ADCY8: variants seen among roughly 807,000 people sequenced by gnomAD.
ADCY8 encodes adenylate cyclase 8, also known as adenylate cyclase type 8.
Under a neutral mutation model 119.7 loss-of-function variants are expected in ADCY8, and 51 were observed. That is an observed-to-expected ratio of 0.43 (90% CI 0.34 to 0.54). The LOEUF is 0.54. Among genes scored for constraint, ADCY8 ranks in the 20% least tolerant of loss-of-function variants. The probability of loss-of-function intolerance (pLI) is 0.03; values close to 1 mark genes in which losing one functional copy is unlikely to be tolerated. For synonymous variants in ADCY8, 665 were observed against 651.0 expected (o/e 1.02, Z -0.33); for missense variants, 1,383 against 1,598.8 (o/e 0.87, Z 2.30).
chr8:130,786,784 A>T (rs1411477201), intron 15 of ADCY8, among the ~76,000 whole-genome samples: 1 of 152,204 alleles, frequency 6.6e-6, no homozygotes, highest in Non-Finnish European at 1.5e-5. Context: ...AGGGATGAGG[A>T]GATCAGGCCA....
At chr8:130,824,603 C>T (rs545970500) in intron 12 of ADCY8, among the ~76,000 whole-genome samples, 10 of 152,308 alleles carry the variant, frequency 6.6e-5, no homozygotes, top group East Asian at 5.8e-4. Flanking sequence ...GATACATGGA[C>T]GAATTCACGA....
intron 5 of ADCY8, among the ~76,000 whole-genome samples, chr8:130,919,709 T>C (rs1820242719): frequency 6.6e-6 from 1 of 152,156 alleles, no homozygotes; most frequent in Non-Finnish European, 1.5e-5. Flanking sequence ...TTTTTAAGGC[T>C]TGTGACTGGG....
At chr8:130,991,903 A>C (rs1353504285) in intron 1 of ADCY8, among the ~76,000 whole-genome samples, 1 of 152,086 alleles carries the variant, frequency 6.6e-6, no homozygotes, top group East Asian at 1.9e-4. Flanking sequence ...AAGAAATAGA[A>C]ACCTCAAAAA....
At chr8:130,861,724 T>C (rs770027323) in intron 9 of ADCY8, among the ~76,000 whole-genome samples, 2 of 152,066 alleles carry the variant, frequency 1.3e-5, no homozygotes, top group Non-Finnish European at 2.9e-5. Context: ...TAAATACAGG[T>C]GGTGAGAGTG....
chr8:130,792,491 C>T lies in ADCY8; in HGVS notation c.3061-7016G>A, dbSNP rs1815454317. On this transcript the variant is annotated intron_variant, in intron 15 of 17. Transcript: ENST00000286355. ...TTCATTATAGGTCTAACAGGTGTCT[C>T]AGATCTGCCATTCTCAAAGCTGGCC... Among the ~76,000 whole-genome samples, 5 of 152,214 alleles carry T rather than the reference C, an allele frequency of 3.3e-5. 1 individual carries two copies. In the South Asian group the frequency reaches 1.0e-3, roughly 32 times the overall value.
Position 131,018,866 on chromosome 8 carries a change from A to T in ADCY8, c.960+20508T>A, listed in dbSNP as rs998049358. On this transcript the variant is annotated intron_variant, in intron 1 of 17. Coordinates refer to ENST00000286355, the MANE Select transcript of ADCY8 (RefSeq NM_001115.3). ...ATATAGGAGTGTTAATCTCCTGGAG[A>T]TTAACATATAAGGAAGGGCATGGTT... 3.8e-4 allele frequency among the ~76,000 whole-genome samples: 58 copies of T among 152,164 alleles called. 1 individual carries two copies. Among genetic ancestry groups the T allele is most frequent in the African/African-American group, 1.2e-3 (51 of 41,430 alleles).
chr8:130,969,482 G>A lies in ADCY8; in HGVS notation c.1111-17484C>T, dbSNP rs557038182. Among the ~76,000 whole-genome samples, 9 of 152,256 alleles carry A rather than the reference G, an allele frequency of 5.9e-5. 1 individual carries two copies. In the South Asian group the frequency reaches 1.2e-3, roughly 21 times the overall value. ...AACCCTGACTAATATACATAGTATA[G>A]TTATTATCATTGCTGTTGTTACTGT... On this transcript the variant is annotated intron_variant, in intron 2 of 17. Coordinates refer to ENST00000286355, the MANE Select transcript of ADCY8 (RefSeq NM_001115.3).
At chr8:130,856,399 C>G (rs1456051657) in intron 9 of ADCY8, among the ~76,000 whole-genome samples, 2 of 152,072 alleles carry the variant, frequency 1.3e-5, no homozygotes, top group Non-Finnish European at 2.9e-5. Flanking sequence ...ACACCTTGAG[C>G]TCTAGGAGTC....
intron 10 of ADCY8, 35 bp downstream of exon 10, chr8:130,849,567 A>G (rs2130314340): frequency 6.2e-7 from 1 of 1,607,996 alleles, no homozygotes. Flanking sequence ...ACTGCACACT[A>G]GACACCAGAG....
At chr8:130,987,422 G>A (rs923933386) in intron 2 of ADCY8, among the ~76,000 whole-genome samples, 6 of 152,096 alleles carry the variant, frequency 3.9e-5, no homozygotes, top group African/African-American at 1.4e-4. Flanking sequence ...CAGAGCTCCT[G>A]ACACATAATA....
chr8:130,997,400 G>C lies in ADCY8; in HGVS notation c.961-6858C>G, dbSNP rs148231807. Among the ~76,000 whole-genome samples the C allele has an allele frequency of 1.5e-3, 166 of 113,430 alleles. 1 individual carries two copies. Among genetic ancestry groups the C allele is most frequent in the African/African-American group, 5.1e-3 (153 of 29,924 alleles). The allele number at this position is 113,430 out of a possible 152,430, so 74.4% of individuals were successfully genotyped here. On this transcript the variant is annotated intron_variant, in intron 1 of 17. Coordinates refer to ENST00000286355, the MANE Select transcript of ADCY8 (RefSeq NM_001115.3). ...CTAACAAGGCAGTACAAACCCTAAG[G>C]TGTCAAGATCTACACTTAGACAGGT...
At chr8:130,976,541 G>A (rs1053339002) in intron 2 of ADCY8, among the ~76,000 whole-genome samples, 6 of 152,038 alleles carry the variant, frequency 3.9e-5, no homozygotes, top group Admixed American at 6.6e-5. Context: ...TCTACATAGC[G>A]AATTCTTAGT....
chr8:130,809,683 A>C (rs1237494967), intron 14 of ADCY8, among the ~76,000 whole-genome samples: 1 of 152,238 alleles, frequency 6.6e-6, no homozygotes, highest in Non-Finnish European at 1.5e-5. Flanking sequence ...CACGCTAGTA[A>C]GTGGAAGAGC....
chr8:130,857,969 G>T (rs1198450089), intron 9 of ADCY8, among the ~76,000 whole-genome samples: 2 of 152,088 alleles, frequency 1.3e-5, no homozygotes, highest in African/African-American at 4.8e-5. Flanking sequence ...GCTGGGTTTT[G>T]ATAAGTATTT....
intron 7 of ADCY8, among the ~76,000 whole-genome samples, chr8:130,893,755 T>C (rs1035237531): frequency 1.3e-5 from 2 of 151,510 alleles, no homozygotes; most frequent in African/African-American, 4.8e-5. Flanking sequence ...TTTATGTGTG[T>C]GTGCATGTTT....
At chr8:130,902,206 C>T (rs535888110) in intron 7 of ADCY8, among the ~76,000 whole-genome samples, 1 of 152,162 alleles carries the variant, frequency 6.6e-6, no homozygotes, top group South Asian at 2.1e-4. Context: ...ATGAGGCATG[C>T]ATTTCTTTCT....
chr8:130,859,362 C>G (rs1563697153), intron 9 of ADCY8, among the ~76,000 whole-genome samples: 1 of 152,298 alleles, frequency 6.6e-6, no homozygotes, highest in East Asian at 1.9e-4. Context: ...CTGACTCCCA[C>G]CATCTGCCAT....
Position 130,877,307 on chromosome 8 carries a change from A to G in ADCY8, c.2109+7257T>C, listed in dbSNP as rs573467626. 5.3e-5 allele frequency among the ~76,000 whole-genome samples: 8 copies of G among 152,332 alleles called. No individual in the cohort carries two copies. The South Asian group carries it at 1.7e-3, about 32-fold the overall frequency. On this transcript the variant is annotated intron_variant, in intron 8 of 17. Transcript: ENST00000286355. ...ATCACAAGCCAGAGTGTAAGTTCCC[A>G]GGGCACAGAAGCTGTGGCTTTATGT...
intron 1 of ADCY8, among the ~76,000 whole-genome samples, chr8:131,014,456 A>T (rs1030477691): frequency 2.6e-5 from 4 of 152,192 alleles, no homozygotes; most frequent in African/African-American, 7.2e-5. Flanking sequence ...CACAATTTTT[A>T]AAAATAAATA....
Sources: allele counts gnomAD v4.1 joint callset (sites outside exome capture counted in the v4.1 genomes callset), GRCh38; gene constraint gnomAD v4.1.1; transcripts MANE v1.5; gene names NCBI Gene and HGNC (gene_info 2026-07-23, HGNC 2026-07-21).